Variants in NTRK3 observed in about 807,000 individuals in gnomAD.
NTRK3 encodes neurotrophic receptor tyrosine kinase 3, also known as NT-3 growth factor receptor.
Under a neutral mutation model 91.7 loss-of-function variants are expected in NTRK3, and 24 were observed. That is an observed-to-expected ratio of 0.26 (90% CI 0.19 to 0.37). NTRK3 has a LOEUF of 0.37. Among genes scored for constraint, NTRK3 ranks in the 10% least tolerant of loss-of-function variants. The pLI, the probability that NTRK3 is intolerant of heterozygous loss-of-function variation, is 1.00. For missense variants in NTRK3, 880 were observed against 1,068.9 expected (o/e 0.82, Z 2.46); for synonymous variants, 483 against 404.0 (o/e 1.20, Z -2.34).
intron 13 of NTRK3, among the ~76,000 whole-genome samples, 154 bp from the exon 14 acceptor site, chr15:88,033,199 T>C (rs1250141390): frequency 5.9e-5 from 7 of 119,642 alleles, no homozygotes; most frequent in South Asian, 5.2e-4. Flanking sequence ...TATATATATA[T>C]ATATATATAT....
intron 13 of NTRK3, among the ~76,000 whole-genome samples, chr15:88,105,066 T>A (rs550265950): frequency 2.7e-4 from 41 of 152,332 alleles, no homozygotes; most frequent in African/African-American, 9.4e-4. Flanking sequence ...GCATGGGCTC[T>A]GATTACTGAG....
At chr15:87,876,024 C>G (rs1000165632) in exon 19 of NTRK3, 30 of 232,592 alleles carry the variant, frequency 1.3e-4, no homozygotes, top group African/African-American at 6.4e-4. Flanking sequence ...GCCAAGGAAT[C>G]TTTGCAATGA....
At chr15:87,921,296 AC>A (rs1186377928) in intron 17 of NTRK3, among the ~76,000 whole-genome samples, 5 of 152,360 alleles carry the variant, frequency 3.3e-5, no homozygotes, top group Non-Finnish European at 7.3e-5. Flanking sequence ...GACAACCAGT[AC>A]AAGAACCTCA....
chr15:87,974,670 G>A (rs970534880), intron 14 of NTRK3, among the ~76,000 whole-genome samples: 13 of 152,248 alleles, frequency 8.5e-5, no homozygotes, highest in Admixed American at 1.3e-4. Context: ...CTCACCAACT[G>A]TAAGACATGT....
intron 3 of NTRK3, among the ~76,000 whole-genome samples, chr15:88,213,759 C>A (rs985659361): frequency 6.6e-6 from 1 of 152,158 alleles, no homozygotes. Flanking sequence ...AAGTCACTTA[C>A]CTAAGGTCAC....
intron 3 of NTRK3, among the ~76,000 whole-genome samples, chr15:88,191,344 C>T (rs967034074): frequency 9.2e-5 from 14 of 152,164 alleles, no homozygotes; most frequent in African/African-American, 1.7e-4. Flanking sequence ...TGTGTCACCA[C>T]GCCTGGCTGA....
At chr15:88,019,226 C>G (rs1183434694) in intron 14 of NTRK3, among the ~76,000 whole-genome samples, 1 of 152,222 alleles carries the variant, frequency 6.6e-6, no homozygotes, top group Non-Finnish European at 1.5e-5. Context: ...CATCTTCATT[C>G]TACCCCCTGT....
At chr15:88,022,497 T>C (rs2077673111) in intron 14 of NTRK3, among the ~76,000 whole-genome samples, 1 of 152,208 alleles carries the variant, frequency 6.6e-6, no homozygotes, top group Non-Finnish European at 1.5e-5. Context: ...TACTTATCTC[T>C]GGGAAATCTT....
At chr15:87,942,555 C>T (rs187062146) in intron 14 of NTRK3, among the ~76,000 whole-genome samples, 5 of 152,122 alleles carry the variant, frequency 3.3e-5, no homozygotes, top group East Asian at 1.9e-4. Context: ...TGTCCTGGCA[C>T]GGCCTGGGAG....
intron 5 of NTRK3, among the ~76,000 whole-genome samples, chr15:88,178,958 A>C (rs1227011003): frequency 6.6e-6 from 1 of 152,236 alleles, no homozygotes; most frequent in Non-Finnish European, 1.5e-5. Flanking sequence ...GACGTAAAAA[A>C]GTACACGGAC....
chr15:88,183,758 A>C (rs1025970097), intron 4 of NTRK3, among the ~76,000 whole-genome samples: 2 of 152,102 alleles, frequency 1.3e-5, no homozygotes, highest in African/African-American at 4.8e-5. Context: ...GTAGGTAAGG[A>C]CCAGGGCTTC....
In NTRK3 at chr15:87,931,271, G is replaced by C. The variant is rs115556755; in HGVS notation, c.1889+1741C>G. On this transcript the variant is annotated intron_variant, in intron 16 of 18. Transcript: ENST00000394480. The stretch of plus-strand genomic sequence containing the variant: ...AGGATAGGATGTGGTGAAAAGTAGG[G>C]CATGCCCTTTGGGCCCCAGGGGAAC... 675 of 515,496 alleles carry C rather than the reference G, an allele frequency of 1.3e-3. 7 individuals are homozygous for C. The highest frequency in any genetic ancestry group is 0.012 in the African/African-American group (606 of 52,012). The allele number at this position is 515,496 out of a possible 1,614,324, so 31.9% of individuals were successfully genotyped here. A position where few individuals can be genotyped will look rare whatever the true frequency, so the allele number is the denominator to read the frequency against.
At chr15:88,205,180 C>G (rs570189292) in intron 3 of NTRK3, among the ~76,000 whole-genome samples, 35 of 152,094 alleles carry the variant, frequency 2.3e-4, no homozygotes, top group African/African-American at 4.1e-4. Context: ...GGTGGGAAGA[C>G]GAGGGATCTG....
intron 17 of NTRK3, among the ~76,000 whole-genome samples, chr15:87,913,430 T>C (rs1183022050): frequency 8.5e-5 from 13 of 152,138 alleles, no homozygotes; most frequent in Admixed American, 7.2e-4. Flanking sequence ...GGATGACATG[T>C]GTCAGAACAG....
chr15:88,007,515 T>C lies in NTRK3; in HGVS notation c.1585+25342A>G, dbSNP rs149105432. 3.3e-3 allele frequency among the ~76,000 whole-genome samples: 506 copies of C among 152,202 alleles called. 2 individuals carry two copies. The highest frequency in any genetic ancestry group is 0.011 in the African/African-American group (461 of 41,544). On this transcript the variant is annotated intron_variant, in intron 14 of 18. Coordinates refer to ENST00000394480, the Ensembl canonical transcript of NTRK3. ...TGGTCACTAGAAAAACGATCTGAAA[T>C]TGGATGGCCACCTATAAGGGATGGA...
Position 87,863,351 on chromosome 15 carries a change from C to T in NTRK3, c.*13584G>A, listed in dbSNP as rs991812686. Reference sequence around the variant, plus strand: ...GGGAGGTCAATCAGGATAGCGGGCCCCTTCAATTCAGGGGGTTGTTTGCTG... The same window carrying T: ...GGGAGGTCAATCAGGATAGCGGGCCTCTTCAATTCAGGGGGTTGTTTGCTG... On this transcript the variant is annotated 3_prime_UTR_variant, in exon 19 of 19. Coordinates refer to ENST00000394480, the Ensembl canonical transcript of NTRK3. 3 of 226,512 alleles carry T rather than the reference C, an allele frequency of 1.3e-5. No homozygotes were observed. In the Admixed American group the frequency reaches 1.7e-4, roughly 13 times the overall value. 14.0% of individuals were successfully genotyped at this position (226,512 alleles called of 1,614,324 possible). A position where few individuals can be genotyped will look rare whatever the true frequency, so the allele number is the denominator to read the frequency against.
At chr15:87,967,048 G>C (rs2072860072) in intron 14 of NTRK3, among the ~76,000 whole-genome samples, 2 of 152,206 alleles carry the variant, frequency 1.3e-5, no homozygotes, top group South Asian at 4.1e-4. Flanking sequence ...AGACAATAAA[G>C]CTCTTGATGA....
chr15:88,143,391 C>G (rs1468782849), intron 6 of NTRK3, among the ~76,000 whole-genome samples: 1 of 152,196 alleles, frequency 6.6e-6, no homozygotes. Flanking sequence ...TCCCGCAGAG[C>G]CTTTGAAGGG....
At chr15:88,092,248 T>C (rs75362663) in intron 13 of NTRK3, among the ~76,000 whole-genome samples, 2,406 of 152,292 alleles carry the variant, frequency 0.016, 49 homozygotes, top group African/African-American at 0.055. Flanking sequence ...TCAGTGTCAT[T>C]CTTGGAGGGC....
Sources: allele counts gnomAD v4.1 joint callset (sites outside exome capture counted in the v4.1 genomes callset), GRCh38; gene constraint gnomAD v4.1.1; transcripts MANE v1.5; gene names NCBI Gene and HGNC (gene_info 2026-07-23, HGNC 2026-07-21).